The following SORCS1 variants were observed in gnomAD, a reference collection of about 807,000 sequenced individuals.
SORCS1 encodes VPS10 domain-containing receptor SorCS1.
A neutral mutation model predicts 146.1 loss-of-function variants in SORCS1; 60 were observed. The observed-to-expected ratio is 0.41, with a 90% confidence interval of 0.33 to 0.51. The LOEUF (loss-of-function observed/expected upper bound fraction) is 0.51. SORCS1 is among the 20% of genes least tolerant of loss of function. The probability of loss-of-function intolerance (pLI) is 0.21; values close to 1 mark genes in which losing one functional copy is unlikely to be tolerated. For synonymous variants in SORCS1, 637 were observed against 584.0 expected (o/e 1.09, Z -1.31); for missense variants, 1,352 against 1,487.6 (o/e 0.91, Z 1.50).
rs556948416 is a variant in SORCS1 at position 107,148,100 on chromosome 10, T to C, written c.558+15869A>G. Among the ~76,000 whole-genome samples the C allele has an allele frequency of 3.3e-5, 5 of 152,302 alleles. No individual in the cohort carries two copies. In the East Asian group the frequency reaches 9.7e-4, roughly 29 times the overall value. The stretch of plus-strand genomic sequence containing the variant: ...CAGGGACGGAAAATAAATGATCCAC[T>C]TTGTGACTGGAAGTCTACAATGGTT... On this transcript the variant is annotated intron_variant, in intron 1 of 25. Transcript: ENST00000263054.
chr10:106,856,482 C>T (rs1321828132), intron 2 of SORCS1, among the ~76,000 whole-genome samples: 1 of 152,172 alleles, frequency 6.6e-6, no homozygotes, highest in Non-Finnish European at 1.5e-5. Context: ...ATTTCCCTTC[C>T]CCCTAGTCAG....
At chr10:107,010,824 G>A (rs1293468473) in intron 1 of SORCS1, among the ~76,000 whole-genome samples, 1 of 152,124 alleles carries the variant, frequency 6.6e-6, no homozygotes, top group Non-Finnish European at 1.5e-5. Context: ...GTCCTGCATG[G>A]CTTCTTTTCC....
intron 1 of SORCS1, among the ~76,000 whole-genome samples, chr10:107,080,332 C>G (rs1359541043): frequency 1.3e-5 from 2 of 152,200 alleles, no homozygotes; most frequent in Non-Finnish European, 2.9e-5. Flanking sequence ...TGTCTGCAAC[C>G]TATAGGCAAC....
intron 10 of SORCS1, among the ~76,000 whole-genome samples, chr10:106,684,663 T>G (rs557983118): frequency 6.6e-6 from 1 of 152,308 alleles, no homozygotes; most frequent in East Asian, 1.9e-4. Flanking sequence ...CCAGGAACAC[T>G]GCATTCGGGC....
intron 1 of SORCS1, among the ~76,000 whole-genome samples, chr10:107,104,015 T>G (rs1965130671): frequency 6.6e-6 from 1 of 152,202 alleles, no homozygotes; most frequent in Non-Finnish European, 1.5e-5. Flanking sequence ...CGTCAGAACC[T>G]TTTTGGACAC....
intron 2 of SORCS1, among the ~76,000 whole-genome samples, chr10:106,855,374 G>GT (rs1949747169): frequency 1.3e-5 from 2 of 152,004 alleles, no homozygotes; most frequent in East Asian, 3.9e-4. Context: ...TTGTTGCTTT[G>GT]TTTTTTGACA....
intron 1 of SORCS1, among the ~76,000 whole-genome samples, chr10:106,993,341 T>C (rs574552514): frequency 6.6e-6 from 1 of 152,334 alleles, no homozygotes; most frequent in East Asian, 1.9e-4. Flanking sequence ...GTGGTTTTTA[T>C]TACATCTCAG....
chr10:106,653,410 G>C (rs1589576415), intron 17 of SORCS1, among the ~76,000 whole-genome samples: 1 of 152,146 alleles, frequency 6.6e-6, no homozygotes, highest in East Asian at 1.9e-4. Context: ...GCCCAAATAA[G>C]ATGCAATCAA....
At chr10:106,751,225 C>G (rs2136185945) in intron 5 of SORCS1, among the ~76,000 whole-genome samples, 1 of 152,186 alleles carries the variant, frequency 6.6e-6, no homozygotes, top group Admixed American at 6.5e-5. Context: ...AGTGCAGGCA[C>G]TAGAAACGCC....
rs144931300 is a variant in SORCS1 at position 106,669,769 on chromosome 10, C to T, written c.2189+1468G>A. On this transcript the variant is annotated intron_variant, in intron 16 of 25. Coordinates refer to ENST00000263054, the MANE Select transcript of SORCS1 (RefSeq NM_052918.5). ...CCCTCTGGCTGAGCCCAAAGAGATA[C>T]TTCATTCGCTCTTGGCTTGGCGTCC... is the stretch of plus-strand genomic sequence containing the variant. Among the ~76,000 whole-genome samples the T allele has an allele frequency of 2.0e-4, 30 of 152,336 alleles. No individual in the cohort carries two copies. In the East Asian group the frequency reaches 4.4e-3, roughly 23 times the overall value.
At chr10:106,800,721 T>G (rs930309091) in intron 3 of SORCS1, among the ~76,000 whole-genome samples, 1 of 151,998 alleles carries the variant, frequency 6.6e-6, no homozygotes, top group Non-Finnish European at 1.5e-5. Context: ...TTGTTTTGTT[T>G]TAGTAGAGAC....
intron 19 of SORCS1, 94 bp downstream of exon 19, chr10:106,629,108 T>C: frequency 9.1e-7 from 1 of 1,097,754 alleles, no homozygotes; most frequent in Non-Finnish European, 1.3e-6. Context: ...AAAAGATAAC[T>C]AGTGTACTTC....
intron 6 of SORCS1, among the ~76,000 whole-genome samples, chr10:106,724,853 A>G (rs886925393): frequency 6.6e-6 from 1 of 152,212 alleles, no homozygotes; most frequent in African/African-American, 2.4e-5. Flanking sequence ...AGTCAAAAAC[A>G]TGATGGCCAG....
intron 18 of SORCS1, among the ~76,000 whole-genome samples, chr10:106,651,855 T>G (rs1236869555): frequency 6.6e-6 from 1 of 152,218 alleles, no homozygotes; most frequent in East Asian, 1.9e-4. Context: ...TAATAATGTA[T>G]GCTTTTAATG....
rs556108003 is a variant in SORCS1, at chr10:107,078,002, G to A, written c.558+85967C>T. On this transcript the variant is annotated intron_variant, in intron 1 of 25. Coordinates refer to ENST00000263054, the MANE Select transcript of SORCS1 (RefSeq NM_052918.5). ...TCTGGGAAATTCATGGTCCTCATCT[G>A]TTAAGTGGAATTGTTGTTTCCTAAT... Among the ~76,000 whole-genome samples the A allele has an allele frequency of 2.5e-4, 38 of 152,254 alleles. No homozygotes were observed. The South Asian group carries it at 7.7e-3, about 31-fold the overall frequency.
chr10:107,120,625 C>G (rs1966346039), intron 1 of SORCS1, among the ~76,000 whole-genome samples: 2 of 152,166 alleles, frequency 1.3e-5, no homozygotes, highest in African/African-American at 2.4e-5. Flanking sequence ...ACAGGATAAC[C>G]TAATAGATCT....
intron 2 of SORCS1, among the ~76,000 whole-genome samples, chr10:106,871,157 C>T (rs1268762930): frequency 6.6e-6 from 1 of 152,176 alleles, no homozygotes; most frequent in Non-Finnish European, 1.5e-5. Context: ...GAGATAACAT[C>T]TCACACCAGT....
chr10:107,160,829 A>G (rs1436096647), intron 1 of SORCS1, among the ~76,000 whole-genome samples: 1 of 152,242 alleles, frequency 6.6e-6, no homozygotes, highest in African/African-American at 2.4e-5. Flanking sequence ...GAATAAACAC[A>G]TACACCATTA....
intron 2 of SORCS1, among the ~76,000 whole-genome samples, chr10:106,842,435 T>C (rs1949091707): frequency 6.6e-6 from 1 of 152,084 alleles, no homozygotes; most frequent in Non-Finnish European, 1.5e-5. Context: ...GGTTTCGCCA[T>C]GTTGGCCAGG....
Sources: gnomAD v4.1 joint callset for allele counts (sites outside exome capture counted in the v4.1 genomes callset) on GRCh38, gnomAD v4.1.1 for gene constraint, MANE v1.5 for transcripts, NCBI Gene and HGNC (gene_info 2026-07-23, HGNC 2026-07-21) for gene names.